Variants in PLEKHG1 observed in about 807,000 individuals in gnomAD.
PLEKHG1 encodes pleckstrin homology domain-containing family G member 1.
In PLEKHG1, 44 loss-of-function variants were observed where a neutral mutation model predicts 100.8. The ratio of observed to expected loss-of-function variants is 0.44; its 90% CI spans 0.34 to 0.56. PLEKHG1 has a LOEUF of 0.56. Ranked by LOEUF, PLEKHG1 falls within the 20% of genes least tolerant of loss-of-function variation. The pLI is 0.01. For synonymous variants in PLEKHG1, 640 were observed against 662.5 expected (o/e 0.97, Z 0.52); for missense variants, 1,545 against 1,720.9 (o/e 0.90, Z 1.81).
intron 2 of PLEKHG1, among the ~76,000 whole-genome samples, chr6:150,638,474 C>T (rs1399809592): frequency 6.6e-6 from 1 of 152,186 alleles, no homozygotes; most frequent in African/African-American, 2.4e-5. Flanking sequence ...ATTCATTGAC[C>T]CTTGCTTGAA....
intron 3 of PLEKHG1, among the ~76,000 whole-genome samples, chr6:150,669,633 G>A (rs925606914): frequency 9.9e-6 from 1 of 100,552 alleles, no homozygotes; most frequent in African/African-American, 3.9e-5. Context: ...TTTTGCTCTT[G>A]TTGCCCAGGC....
chr6:150,723,698 C>T (rs1781813896), intron 1 of PLEKHG1, among the ~76,000 whole-genome samples: 1 of 152,166 alleles, frequency 6.6e-6, no homozygotes, highest in Non-Finnish European at 1.5e-5. Context: ...GCAGCTGTAT[C>T]ATAATAAGGC....
Position 150,739,686 on chromosome 6 carries a change from A to G in PLEKHG1, c.411+5594A>G, listed in dbSNP as rs148488798. 3.9e-3 allele frequency among the ~76,000 whole-genome samples: 596 copies of G among 151,730 alleles called. 10 individuals are homozygous for G. Among genetic ancestry groups the G allele is most frequent in the African/African-American group, 0.014 (577 of 41,452 alleles). ...CTGTCAAAAAAAAAAACAAAAAAAC[A>G]AAAAAAACCATAAGTATTCTAGCCT... is the stretch of plus-strand genomic sequence containing the variant. On this transcript the variant is annotated intron_variant, in intron 2 of 15. Coordinates refer to ENST00000358517, the Ensembl canonical transcript of PLEKHG1.
At chr6:150,641,546 G>T (rs1778257839) in intron 2 of PLEKHG1, among the ~76,000 whole-genome samples, 1 of 152,150 alleles carries the variant, frequency 6.6e-6, no homozygotes, top group South Asian at 2.1e-4. Context: ...TTTCCTCATG[G>T]GCTACAATAT....
chr6:150,666,846 C>A (rs6557551), intron 3 of PLEKHG1, among the ~76,000 whole-genome samples: 1 of 151,510 alleles, frequency 6.6e-6, no homozygotes, highest in Non-Finnish European at 1.5e-5. Flanking sequence ...CTGCAATCTC[C>A]GCCTCCCGGG....
At chr6:150,606,146 A>G (rs895414630) in intron 1 of PLEKHG1, among the ~76,000 whole-genome samples, 1 of 152,206 alleles carries the variant, frequency 6.6e-6, no homozygotes, top group African/African-American at 2.4e-5. Flanking sequence ...CTTCACTTTG[A>G]TTGCCGAAGT....
At chr6:150,786,494 C>G in intron 4 of PLEKHG1, 35 bp downstream of exon 5, 1 of 1,365,134 alleles carries the variant, frequency 7.3e-7, no homozygotes. Flanking sequence ...CCAACTGAGA[C>G]AGATACAGAG....
At chr6:150,667,304 T>A in intron 3 of PLEKHG1, among the ~76,000 whole-genome samples, 1 of 152,196 alleles carries the variant, frequency 6.6e-6, no homozygotes, top group African/African-American at 2.4e-5. Context: ...ATAATTTTTT[T>A]AAAAAGAGTT....
intron 2 of PLEKHG1, among the ~76,000 whole-genome samples, chr6:150,737,281 A>ATTCCTTTTT (rs1298907384): frequency 9.2e-4 from 108 of 116,996 alleles, no homozygotes; most frequent in African/African-American, 3.2e-3. Context: ...TCATATGGGT[A>ATTCCTTTTT]TTTTTTTTTT....
intron 3 of PLEKHG1, among the ~76,000 whole-genome samples, chr6:150,674,644 T>C (rs1448498314): frequency 4.5e-3 from 564 of 124,540 alleles, no homozygotes; most frequent in South Asian, 0.012. Flanking sequence ...TCTCTCTCTC[T>C]CTCTCTCTCT....
chr6:150,607,094 A>T (rs1209767810), intron 1 of PLEKHG1, among the ~76,000 whole-genome samples: 1 of 152,132 alleles, frequency 6.6e-6, no homozygotes, highest in Non-Finnish European at 1.5e-5. Context: ...TTCAGAACGG[A>T]CACCAACTCT....
chr6:150,676,118 C>A (rs1334842777), intron 3 of PLEKHG1, among the ~76,000 whole-genome samples: 2 of 151,988 alleles, frequency 1.3e-5, no homozygotes, highest in Non-Finnish European at 2.9e-5. Flanking sequence ...TTGAAAAGGG[C>A]AAAGATGCAC....
intron 13 of PLEKHG1, among the ~76,000 whole-genome samples, chr6:150,822,527 C>A (rs1776364836): frequency 6.6e-6 from 1 of 152,158 alleles, no homozygotes. Flanking sequence ...ATAAAAATGC[C>A]CATGCAGTTG....
At chr6:150,608,572 A>G (rs1776697300) in intron 1 of PLEKHG1, among the ~76,000 whole-genome samples, 1 of 152,252 alleles carries the variant, frequency 6.6e-6, no homozygotes. Flanking sequence ...ATGCTTGGCA[A>G]ATGTTCAGAA....
intron 10 of PLEKHG1, among the ~76,000 whole-genome samples, chr6:150,810,821 T>C (rs908167535): frequency 6.6e-6 from 1 of 151,790 alleles, no homozygotes; most frequent in Non-Finnish European, 1.5e-5. Context: ...CTCAGGAGGC[T>C]GAGGCAGGAG....
chr6:150,610,226 C>T (rs913158759), intron 1 of PLEKHG1, among the ~76,000 whole-genome samples: 1 of 152,160 alleles, frequency 6.6e-6, no homozygotes, highest in Non-Finnish European at 1.5e-5. Context: ...CTCAGCCTCC[C>T]GAGTAGCTGG....
chr6:150,825,237 T>C (rs1467490868), intron 14 of PLEKHG1, among the ~76,000 whole-genome samples: 1 of 152,158 alleles, frequency 6.6e-6, no homozygotes, highest in African/African-American at 2.4e-5. Context: ...AGTAATGTGC[T>C]GAAGGTATAT....
intron 1 of PLEKHG1, among the ~76,000 whole-genome samples, chr6:150,729,313 C>T (rs1201252900): frequency 6.6e-6 from 1 of 152,206 alleles, no homozygotes; most frequent in East Asian, 1.9e-4. Flanking sequence ...CCGCCTGCCT[C>T]AGCCTCCCAA....
At chr6:150,839,727 G>A (rs1404986659) in intron 15 of PLEKHG1, 106 bp from the exon 17 acceptor site, 3 of 732,250 alleles carry the variant, frequency 4.1e-6, no homozygotes, top group Non-Finnish European at 6.9e-6. Flanking sequence ...CTTGTCTACT[G>A]TCAAAATTTT....
Sources: gnomAD v4.1 joint callset for allele counts (sites outside exome capture counted in the v4.1 genomes callset) on GRCh38, gnomAD v4.1.1 for gene constraint, MANE v1.5 for transcripts, NCBI Gene and HGNC (gene_info 2026-07-23, HGNC 2026-07-21) for gene names.